Variants in TMCO4 observed in about 807,000 individuals in gnomAD.
The protein encoded by TMCO4 is transmembrane and coiled-coil domains 4, also known as transmembrane and coiled-coil domain-containing protein 4.
Under a neutral mutation model 64.7 loss-of-function variants are expected in TMCO4, and 58 were observed. The ratio of observed to expected loss-of-function variants is 0.90; its 90% CI spans 0.73 to 1.12. The LOEUF (loss-of-function observed/expected upper bound fraction) is 1.12, where lower values mean the gene tolerates loss of function less well. TMCO4 is among the 50% of genes most tolerant of loss of function. The pLI is 0.00. For missense variants in TMCO4, 780 were observed against 825.9 expected, an observed-to-expected ratio of 0.94 and a Z score of 0.68; for synonymous variants, 325 against 346.1, an observed-to-expected ratio of 0.94 and a Z score of 0.68.
At chr1:19,762,833 C>A (rs2042564811) in intron 6 of TMCO4, among the ~76,000 whole-genome samples, 1 of 152,190 alleles carries the variant, frequency 6.6e-6, no homozygotes. Context: ...CGGGGCTGAC[C>A]TCGTACCTGC....
chr1:19,747,263 G>A lies in TMCO4; in HGVS notation c.516-3C>T, dbSNP rs761905337. ...TCTTTCGGGATGCCTCGGCCATTCT[G>A]AGGGAAAAGAGGCTGGTCTTTAGGG... On this transcript the variant is annotated splice_polypyrimidine_tract_variant and splice_region_variant and intron_variant, in intron 7 of 15. Coordinates refer to ENST00000294543, the MANE Select transcript of TMCO4 (RefSeq NM_181719.7). 1.2e-6 allele frequency: 2 copies of A among 1,612,530 alleles called. No individual in the cohort carries two copies. Among genetic ancestry groups the A allele is most frequent in the Non-Finnish European group, 1.7e-6 (2 of 1,179,594 alleles).
chr1:19,743,324 T>C lies in TMCO4; in HGVS notation c.877+2208A>G, dbSNP rs1304129429. On this transcript the variant is annotated intron_variant, in intron 10 of 15. Transcript: ENST00000294543. The surrounding 1 kb of genome is among the most constrained non-coding windows in gnomAD (Gnocchi z 4.1). ...GCATAGGAAGGGCTTGGTGGTTGGC[T>C]ACAAAGTTTTTATCTTTATTGTACA... Among the ~76,000 whole-genome samples, 1 of 152,162 alleles carries C rather than the reference T, an allele frequency of 6.6e-6. No individual in the cohort carries two copies. The highest frequency in any genetic ancestry group is 1.5e-5 in the Non-Finnish European group (1 of 68,020).
intron 1 of TMCO4, chr1:19,799,048 C>T (rs1408597384): frequency 7.6e-6 from 1 of 132,046 alleles, no homozygotes; most frequent in Non-Finnish European, 1.5e-5. Flanking sequence ...GCCAGGCAGC[C>T]TGGTCAGGGC....
chr1:19,702,949 C>T (rs2095282378), intron 13 of TMCO4, among the ~76,000 whole-genome samples: 1 of 152,244 alleles, frequency 6.6e-6, no homozygotes, highest in Non-Finnish European at 1.5e-5. Flanking sequence ...GCACCCCTCC[C>T]TCAGCCTCTA....
Position 19,740,769 on chromosome 1 carries a change from G to A in TMCO4, c.1042+8C>T, listed in dbSNP as rs370910400. On this transcript the variant is annotated splice_region_variant and intron_variant, in intron 11 of 15. Transcript: ENST00000294543. ...TGCTGTTGTTGGGGGGCAGGTGGGG[G>A]CACTTACCAGACAACACTGTGTACT... 207 of 1,602,906 alleles carry A rather than the reference G, an allele frequency of 1.3e-4. No individual in the cohort carries two copies. The highest frequency in any genetic ancestry group is 1.6e-4 in the Non-Finnish European group (189 of 1,173,860).
chr1:19,737,493 A>G, intron 12 of TMCO4, 37 bp from the exon 13 acceptor site: 2 of 1,601,126 alleles, frequency 1.2e-6, no homozygotes, highest in South Asian at 1.1e-5. Context: ...TGGAAGGAAT[A>G]CTGCCAGTTC....
intron 2 of TMCO4, among the ~76,000 whole-genome samples, chr1:19,788,457 C>G (rs975051975): frequency 6.6e-6 from 1 of 152,112 alleles, no homozygotes. Flanking sequence ...GTGGCTAACT[C>G]CAGGTAGGCA....
intron 6 of TMCO4, 70 bp downstream of exon 6, chr1:19,770,472 C>T: frequency 1.3e-6 from 2 of 1,584,658 alleles, no homozygotes; most frequent in African/African-American, 2.7e-5. Flanking sequence ...GGTGGCACCT[C>T]TCACTGGCTT....
At chr1:19,764,052 G>A (rs2042623119) in intron 6 of TMCO4, among the ~76,000 whole-genome samples, 1 of 152,220 alleles carries the variant, frequency 6.6e-6, no homozygotes, top group African/African-American at 2.4e-5. Flanking sequence ...GGTTGCTTCT[G>A]AGACCCTCCC....
intron 4 of TMCO4, among the ~76,000 whole-genome samples, chr1:19,779,242 T>C (rs1251612732): frequency 2.0e-5 from 3 of 152,084 alleles, no homozygotes; most frequent in Non-Finnish European, 4.4e-5. Context: ...GCTCCTACGC[T>C]CTCTTCCCCC....
chr1:19,780,589 G>A lies in TMCO4; in HGVS notation c.170C>T (p.Pro57Leu), dbSNP rs1346549024. ...AGACAGAAGAACTCACCTGTGTTCG[G>A]GTTCAGGAAATAACTGGGACAGGGA... is the stretch of plus-strand genomic sequence containing the variant. ...GISLSQLFPE[P>L]EHSSFCTEFM... is the part of the protein sequence containing the mutation. The change falls in exon 4 of 16, where the codon CCC becomes CTC. Residue 57 changes from proline to leucine, a missense_variant. Coordinates refer to ENST00000294543, the MANE Select transcript of TMCO4 (RefSeq NM_181719.7). The A allele has an allele frequency of 5.0e-6, 8 of 1,600,532 alleles. No homozygotes were observed. Among genetic ancestry groups the A allele is most frequent in the Non-Finnish European group, 8.5e-7 (1 of 1,174,480 alleles).
intron 5 of TMCO4, 99 bp downstream of exon 5, chr1:19,771,208 CA>C: frequency 7.7e-7 from 1 of 1,305,260 alleles, no homozygotes; most frequent in Non-Finnish European, 1.1e-6. Flanking sequence ...TTTTATCTTC[CA>C]ACTGCTCCAC....
intron 15 of TMCO4, among the ~76,000 whole-genome samples, chr1:19,692,636 A>AT (rs942366596): frequency 6.6e-6 from 1 of 151,718 alleles, no homozygotes; most frequent in Admixed American, 6.6e-5. Flanking sequence ...AATCCCAGCT[A>AT]TTTGGGAGGC....
At chr1:19,742,388 A>G (rs977307403) in intron 10 of TMCO4, among the ~76,000 whole-genome samples, 4 of 152,188 alleles carry the variant, frequency 2.6e-5, no homozygotes, top group Non-Finnish European at 4.4e-5. Flanking sequence ...GGGTGGAGAC[A>G]GCTTCCCGGG....
intron 6 of TMCO4, among the ~76,000 whole-genome samples, chr1:19,764,143 A>G (rs2042627455): frequency 6.6e-6 from 1 of 152,192 alleles, no homozygotes; most frequent in Non-Finnish European, 1.5e-5. Flanking sequence ...CCCTTCATTC[A>G]GGCCTCATCC....
intron 13 of TMCO4, among the ~76,000 whole-genome samples, chr1:19,711,476 T>A (rs1220355312): frequency 6.6e-6 from 1 of 152,062 alleles, no homozygotes; most frequent in East Asian, 1.9e-4. Flanking sequence ...CACTTAGAGG[T>A]CATTGTAGGG....
chr1:19,754,959 C>A (rs1027024255), intron 7 of TMCO4, among the ~76,000 whole-genome samples: 1 of 151,724 alleles, frequency 6.6e-6, no homozygotes, highest in Non-Finnish European at 1.5e-5. Context: ...CAAGGCCACC[C>A]GCCCAATGTC....
rs548983318 is a variant in TMCO4 at position 19,797,682 on chromosome 1, T to C, written c.-101+455A>G. Reference sequence around the variant, plus strand: ...TCAGGAGTTCAAGACCAGCCCAATATGGTGAAACCCCATCTCTACTAAAAT... The same window carrying C: ...TCAGGAGTTCAAGACCAGCCCAATACGGTGAAACCCCATCTCTACTAAAAT... On this transcript the variant is annotated intron_variant, in intron 2 of 15. Transcript: ENST00000294543. Among the ~76,000 whole-genome samples, 21 of 151,990 alleles carry C rather than the reference T, an allele frequency of 1.4e-4. No individual in the cohort carries two copies. In the South Asian group the frequency reaches 4.1e-3, roughly 30 times the overall value.
In TMCO4 at chr1:19,700,752, C is replaced by T. The variant is rs753114462; in HGVS notation, c.1382+16G>A. Reference sequence around the variant, plus strand: ...AAGCATTGTCACTTCCCCGCTGGCACGAGGTTTGGACAGACCTGCAGTAGC... The same window carrying T: ...AAGCATTGTCACTTCCCCGCTGGCATGAGGTTTGGACAGACCTGCAGTAGC... On this transcript the variant is annotated intron_variant, in intron 14 of 15. Coordinates refer to ENST00000294543, the MANE Select transcript of TMCO4 (RefSeq NM_181719.7). 1.2e-6 allele frequency: 2 copies of T among 1,607,154 alleles called. No individual in the cohort carries two copies. The highest frequency in any genetic ancestry group is 1.7e-6 in the Non-Finnish European group (2 of 1,174,002).
Sources: allele counts gnomAD v4.1 joint callset (sites outside exome capture counted in the v4.1 genomes callset), GRCh38; gene constraint gnomAD v4.1.1; non-coding constraint Gnocchi (gnomAD v3.1); transcripts MANE v1.5; gene names NCBI Gene and HGNC (gene_info 2026-07-23, HGNC 2026-07-21).